Variants in PTN observed in about 807,000 individuals in gnomAD.
PTN encodes pleiotrophin.
A neutral mutation model predicts 24.1 loss-of-function variants in PTN; 18 were observed. The observed-to-expected ratio is 0.75, with a 90% CI of 0.52 to 1.11. PTN has a LOEUF of 1.11. Ranked by LOEUF, PTN falls within the 50% of genes least tolerant of loss-of-function variation. PTN has a pLI of 0.00. For missense variants in PTN, 163 were observed against 198.8 expected (o/e 0.82, Z 1.08); for synonymous variants, 78 against 68.6 (o/e 1.14, Z -0.67).
intron 3 of PTN, among the ~76,000 whole-genome samples, chr7:137,253,202 GT>G (rs1808858104): frequency 6.6e-6 from 1 of 152,106 alleles, no homozygotes; most frequent in Admixed American, 6.6e-5. Context: ...GACATTTTTA[GT>G]TTTCACATCT....
chr7:137,322,451 T>C (rs2128881287), intron 1 of PTN, among the ~76,000 whole-genome samples: 1 of 152,316 alleles, frequency 6.6e-6, no homozygotes, highest in Non-Finnish European at 1.5e-5. Flanking sequence ...CAGTTCTTGC[T>C]ATGCATAGTA....
At chr7:137,237,951 T>C (rs988795350) in intron 4 of PTN, among the ~76,000 whole-genome samples, 4 of 152,202 alleles carry the variant, frequency 2.6e-5, no homozygotes, top group Admixed American at 1.3e-4. Context: ...TGTGTTAACC[T>C]GCCATCAATA....
chr7:137,294,431 C>T (rs913823135), intron 1 of PTN, among the ~76,000 whole-genome samples: 8 of 152,294 alleles, frequency 5.3e-5, no homozygotes, highest in Non-Finnish European at 1.2e-4. Context: ...GCACAATTTG[C>T]ATCATGATGG....
intron 1 of PTN, among the ~76,000 whole-genome samples, chr7:137,268,240 C>A (rs1245918322): frequency 6.6e-6 from 1 of 152,060 alleles, no homozygotes; most frequent in South Asian, 2.1e-4. Flanking sequence ...CGCGTCGCTC[C>A]GGCTGGTTGG....
At chr7:137,261,307 A>T (rs890253384) in intron 1 of PTN, among the ~76,000 whole-genome samples, 90 of 152,192 alleles carry the variant, frequency 5.9e-4, no homozygotes, top group African/African-American at 2.0e-3. Flanking sequence ...TTCTGTGAGC[A>T]GAGTGAGGAA....
At chr7:137,263,907 C>A (rs1283901296) in intron 1 of PTN, among the ~76,000 whole-genome samples, 1 of 152,144 alleles carries the variant, frequency 6.6e-6, no homozygotes. Context: ...CTTTGGAAAT[C>A]TACTGAATGG....
intron 4 of PTN, among the ~76,000 whole-genome samples, chr7:137,232,257 G>T (rs2128867437): frequency 6.6e-6 from 1 of 152,080 alleles, no homozygotes; most frequent in East Asian, 1.9e-4. Context: ...CTGCCTGAAA[G>T]GTGACTTGTT....
At chr7:137,332,673 GA>G (rs1256409571) in intron 1 of PTN, among the ~76,000 whole-genome samples, 2 of 152,144 alleles carry the variant, frequency 1.3e-5, no homozygotes, top group Non-Finnish European at 2.9e-5. Flanking sequence ...CATATCTAAA[GA>G]AATACATTGC....
intron 1 of PTN, among the ~76,000 whole-genome samples, chr7:137,338,647 A>C (rs1810485760): frequency 6.6e-6 from 1 of 152,170 alleles, no homozygotes; most frequent in Non-Finnish European, 1.5e-5. Context: ...TATTGAGTAG[A>C]TCATTAGCTG....
intron 1 of PTN, among the ~76,000 whole-genome samples, chr7:137,302,072 A>T (rs1274677775): frequency 1.3e-5 from 2 of 152,052 alleles, no homozygotes; most frequent in African/African-American, 4.8e-5. Context: ...GAAATTTAAA[A>T]GAAATCAGTT....
At position 137,254,933 on chromosome 7, in the gene PTN, G is replaced by A; in HGVS notation, c.41C>T (p.Ala14Val). 6.3e-7 allele frequency: 1 copy of A among 1,579,112 alleles called. No individual in the cohort carries two copies. Among genetic ancestry groups the A allele is most frequent in the South Asian group, 1.1e-5 (1 of 87,088 alleles). ...QQYQQQRRKF[A>V]AAFLAFIFIL... ...GAAAATGAATGCCAAGAAGGCAGCT[G>A]CAAATTTTCGACGCTGCTGCTGGTA... The change falls in exon 2 of 5, where the codon GCA (alanine) becomes GTA (valine). Residue 14 changes from alanine (A) to valine (V), a missense_variant. Transcript: ENST00000348225.
chr7:137,314,980 T>A (rs1562920579), intron 1 of PTN, among the ~76,000 whole-genome samples: 1 of 152,210 alleles, frequency 6.6e-6, no homozygotes, highest in Non-Finnish European at 1.5e-5. Flanking sequence ...ATTATTCATG[T>A]TCATTCTCTC....
chr7:137,258,567 A>G (rs1291279302), intron 1 of PTN, among the ~76,000 whole-genome samples: 2 of 152,148 alleles, frequency 1.3e-5, no homozygotes. Flanking sequence ...AAATGAATAA[A>G]GGTTATTTAA....
chr7:137,268,982 TTTG>T (rs1809215728), intron 1 of PTN, among the ~76,000 whole-genome samples: 2 of 152,204 alleles, frequency 1.3e-5, no homozygotes, highest in Admixed American at 6.5e-5. Flanking sequence ...TACAAAGATT[TTTG>T]TTGTTCTGTT....
chr7:137,267,341 G>T (rs892861775), intron 1 of PTN, among the ~76,000 whole-genome samples: 20 of 150,514 alleles, frequency 1.3e-4, no homozygotes, highest in Non-Finnish European at 2.8e-4. Context: ...CTTTCTCTCT[G>T]CTGGTCTTTC....
At chr7:137,272,001 G>A (rs1809283209) in intron 1 of PTN, among the ~76,000 whole-genome samples, 1 of 152,116 alleles carries the variant, frequency 6.6e-6, no homozygotes, top group South Asian at 2.1e-4. Flanking sequence ...CAGCCCTCTT[G>A]CCCCTTCATC....
intron 4 of PTN, among the ~76,000 whole-genome samples, chr7:137,238,301 A>G (rs1808559887): frequency 6.6e-6 from 1 of 152,166 alleles, no homozygotes; most frequent in Non-Finnish European, 1.5e-5. Context: ...TCATGAATCC[A>G]GGCCAGGGCC....
intron 4 of PTN, among the ~76,000 whole-genome samples, chr7:137,238,525 G>A (rs948475483): frequency 1.6e-4 from 24 of 152,128 alleles, no homozygotes; most frequent in African/African-American, 5.1e-4. Flanking sequence ...TTATACGAAT[G>A]TTTAGGATTA....
At chr7:137,265,258 G>T (rs1362867882) in intron 1 of PTN, among the ~76,000 whole-genome samples, 2 of 152,136 alleles carry the variant, frequency 1.3e-5, no homozygotes, top group Non-Finnish European at 2.9e-5. Context: ...CCTATAAGGG[G>T]CTTCTCTCAC....
Sources: gnomAD v4.1 joint callset for allele counts (sites outside exome capture counted in the v4.1 genomes callset) on GRCh38, gnomAD v4.1.1 for gene constraint, MANE v1.5 for transcripts, NCBI Gene and HGNC (gene_info 2026-07-23, HGNC 2026-07-21) for gene names.